Variants in CLIC2 observed in about 807,000 individuals in gnomAD.
The protein encoded by CLIC2 is chloride intracellular channel protein 2.
Under a neutral mutation model 14.8 loss-of-function variants are expected in CLIC2, and 9 were observed. The observed-to-expected ratio is 0.61, with a 90% CI of 0.37 to 1.06. The LOEUF (loss-of-function observed/expected upper bound fraction) is 1.06, where lower values mean the gene tolerates loss of function less well. Among genes scored for constraint, CLIC2 ranks in the 50% least tolerant of loss-of-function variants. The pLI, the probability that CLIC2 is intolerant of heterozygous loss-of-function variation, is 0.01. For synonymous variants in CLIC2, 61 were observed against 66.3 expected, an observed-to-expected ratio of 0.92 and a Z score of 0.39; for missense variants, 148 against 181.4, an observed-to-expected ratio of 0.82 and a Z score of 1.06.
chrX:155,278,988 G>A, intron 5 of CLIC2, 161 bp downstream of exon 5: 1 of 500,667 alleles, frequency 2.0e-6, no homozygotes. Context: ...GAACATTATG[G>A]ATCTTCCCTC....
chrX:155,287,046 C>T (rs2074945407), intron 3 of CLIC2, among the ~76,000 whole-genome samples: 1 of 112,073 alleles, frequency 8.9e-6, no homozygotes. Flanking sequence ...TTTGCCTGTT[C>T]CTATGTCTAG....
At chrX:155,279,016 T>C (rs2074908804) in intron 5 of CLIC2, 133 bp downstream of exon 5, 1 of 543,621 alleles carries the variant, frequency 1.8e-6, no homozygotes, top group East Asian at 3.3e-5. Flanking sequence ...AAAAGAGATG[T>C]ATATAGTACA....
intron 1 of CLIC2, among the ~76,000 whole-genome samples, chrX:155,314,947 T>C (rs1557320956): frequency 2.7e-5 from 3 of 111,412 alleles, no homozygotes; most frequent in Non-Finnish European, 5.7e-5. Context: ...CTTATAGAAA[T>C]GCAAAATGCA....
intron 1 of CLIC2, among the ~76,000 whole-genome samples, chrX:155,326,618 GA>G: frequency 1.8e-5 from 2 of 111,893 alleles, no homozygotes; most frequent in Middle Eastern, 9.2e-3. Context: ...TGTCCATAAA[GA>G]AACCTGTAAA....
Position 155,276,823 on chromosome X carries a change from T to C in CLIC2, c.*1080A>G, listed in dbSNP as rs1215694638. ...CCTAACCATACACTATACATTTATCTTGACTCTATGGTTTTCAAGGACAGT... is the reference window on the plus strand; with the variant it reads ...CCTAACCATACACTATACATTTATCCTGACTCTATGGTTTTCAAGGACAGT... On this transcript the variant is annotated 3_prime_UTR_variant, in exon 6 of 6. Transcript: ENST00000369449. 3 of 112,471 alleles carry C rather than the reference T, an allele frequency of 2.7e-5. No individual in the cohort carries two copies. The highest frequency in any genetic ancestry group is 9.7e-5 in the African/African-American group (3 of 31,016). The allele number at this position is 112,471 out of a possible 1,213,427, so 9.3% of individuals were successfully genotyped here.
chrX:155,302,935 G>T (rs1557319346), intron 1 of CLIC2, among the ~76,000 whole-genome samples: 2 of 89,676 alleles, frequency 2.2e-5, no homozygotes, highest in African/African-American at 3.9e-5. Flanking sequence ...TTGCACTGTG[G>T]TCTGAGAGAT....
intron 1 of CLIC2, among the ~76,000 whole-genome samples, chrX:155,315,679 A>G (rs1179217198): frequency 9.0e-6 from 1 of 111,381 alleles, no homozygotes; most frequent in African/African-American, 3.3e-5. Flanking sequence ...ATCTCACAGG[A>G]TCTATATAAC....
At chrX:155,324,602 C>T (rs899250145) in intron 1 of CLIC2, among the ~76,000 whole-genome samples, 1 of 111,654 alleles carries the variant, frequency 9.0e-6, no homozygotes, top group African/African-American at 3.3e-5. Context: ...ACACCTTATA[C>T]AAAAATTAAC....
chrX:155,281,324 A>G (rs987193878), intron 3 of CLIC2, among the ~76,000 whole-genome samples: 10 of 110,096 alleles, frequency 9.1e-5, no homozygotes, highest in Non-Finnish European at 1.7e-4. Context: ...TTGTATACTG[A>G]AAATTTGCAA....
chrX:155,330,525 T>G (rs1344404586), intron 1 of CLIC2, among the ~76,000 whole-genome samples: 13 of 111,315 alleles, frequency 1.2e-4, no homozygotes, highest in Non-Finnish European at 1.9e-4. Flanking sequence ...TGAAAAAGAA[T>G]GACCATACCA....
At chrX:155,304,835 T>G (rs1226254211) in intron 1 of CLIC2, among the ~76,000 whole-genome samples, 42 of 82,562 alleles carry the variant, frequency 5.1e-4, no homozygotes, top group East Asian at 2.1e-3. Context: ...TGGAGTACCC[T>G]GCCGTGTGAG....
At position 155,299,059 on chromosome X, in the gene CLIC2, A is replaced by G; in HGVS notation, c.144T>C (p.Asn48=). 1.7e-6 allele frequency: 2 copies of G among 1,209,022 alleles called. No individual in the cohort carries two copies. Among genetic ancestry groups the G allele is most frequent in the Non-Finnish European group, 2.2e-6 (2 of 892,910 alleles). The change falls in exon 2 of 6, where the codon AAT becomes AAC. Residue 48 remains asparagine (N), a synonymous_variant. Coordinates refer to ENST00000369449, the MANE Select transcript of CLIC2 (RefSeq NM_001289.6). ...ACCTGGTCATGTCAACAGTTGTCAC[A>G]TTAAATTTAACTCCTTTAAGCCAGA... ...MILWLKGVKF[N]VTTVDMTRKP...
intron 3 of CLIC2, among the ~76,000 whole-genome samples, chrX:155,295,880 T>C (rs1336641208): frequency 9.0e-6 from 1 of 111,540 alleles, no homozygotes; most frequent in Non-Finnish European, 1.9e-5. Context: ...TAAAAATATA[T>C]GGGAAAACAT....
rs1557315922 is a variant in CLIC2 at position 155,277,698 on chromosome X, A to C, written c.*205T>G. The C allele has an allele frequency of 2.5e-6, 1 of 395,286 alleles. No homozygotes were observed. Among genetic ancestry groups the C allele is most frequent in the Non-Finnish European group, 4.4e-6 (1 of 228,591 alleles). 32.6% of individuals were successfully genotyped at this position (395,286 alleles called of 1,213,427 possible). A position where few individuals can be genotyped will look rare whatever the true frequency, so the allele number is the denominator to read the frequency against. On this transcript the variant is annotated 3_prime_UTR_variant, in exon 6 of 6. Transcript: ENST00000369449. ...GATTGCAGTGGTTTGCCATACAGAT[A>C]AAGAAAATTAAGTAAAAGTATGAAG...
chrX:155,287,265 G>A (rs2074946303), intron 3 of CLIC2, among the ~76,000 whole-genome samples: 1 of 111,985 alleles, frequency 8.9e-6, no homozygotes, highest in Non-Finnish European at 1.9e-5. Context: ...CATGGTTGTA[G>A]GTGTGCGGCC....
rs1557315835 is a variant in CLIC2, at chrX:155,277,000, C to G, written c.*903G>C. The G allele has an allele frequency of 8.9e-6, 1 of 112,143 alleles. No homozygotes were observed. Among genetic ancestry groups the G allele is most frequent in the Non-Finnish European group, 1.9e-5 (1 of 53,165 alleles). 9.2% of individuals were successfully genotyped at this position (112,143 alleles called of 1,213,427 possible). A position where few individuals can be genotyped will look rare whatever the true frequency, so the allele number is the denominator to read the frequency against. ...TGCTTGTGTTTCTCTTTTGAGGGAG[C>G]AAGAGTTAAGTTCAGCTTTTGTTTC... On this transcript the variant is annotated 3_prime_UTR_variant, in exon 6 of 6. Coordinates refer to ENST00000369449, the MANE Select transcript of CLIC2 (RefSeq NM_001289.6).
chrX:155,295,774 C>A (rs2074990068), intron 3 of CLIC2, among the ~76,000 whole-genome samples: 1 of 110,528 alleles, frequency 9.0e-6, no homozygotes, highest in African/African-American at 3.3e-5. Context: ...TTTACAATAG[C>A]TAAAAATTAA....
chrX:155,284,816 G>GCTGCCTGCAATA (rs1399223846), intron 3 of CLIC2, among the ~76,000 whole-genome samples: 2 of 112,118 alleles, frequency 1.8e-5, no homozygotes, highest in East Asian at 5.6e-4. Context: ...TCTGGTACCA[G>GCTGCCTGCAATA]TAACCTGCAC....
At chrX:155,331,098 A>G (rs1259826356) in intron 1 of CLIC2, among the ~76,000 whole-genome samples, 1 of 110,601 alleles carries the variant, frequency 9.0e-6, no homozygotes, top group Admixed American at 9.7e-5. Context: ...AACCAACCTT[A>G]CCAGCTGCAT....
Sources: allele counts gnomAD v4.1 joint callset (sites outside exome capture counted in the v4.1 genomes callset), GRCh38; gene constraint gnomAD v4.1.1; transcripts MANE v1.5; gene names NCBI Gene and HGNC (gene_info 2026-07-23, HGNC 2026-07-21).